The following CTNND2 variants were observed in gnomAD, a reference collection of about 807,000 sequenced individuals.
CTNND2 encodes the protein catenin delta-2.
A neutral mutation model predicts 144.4 loss-of-function variants in CTNND2; 22 were observed. The observed-to-expected ratio is 0.15, with a 90% CI of 0.11 to 0.22. CTNND2 has a LOEUF of 0.22. CTNND2 is among the 10% of genes least tolerant of loss of function. The pLI is 1.00. For missense variants in CTNND2, 1,353 were observed against 1,618.8 expected (o/e 0.84, Z 2.82); for synonymous variants, 751 against 695.6 (o/e 1.08, Z -1.25).
chr5:11,542,886 G>C (rs1158466913), intron 3 of CTNND2, among the ~76,000 whole-genome samples: 1 of 152,188 alleles, frequency 6.6e-6, no homozygotes, highest in South Asian at 2.1e-4. Flanking sequence ...GATGGGGAGT[G>C]CACAGGATGT....
At chr5:11,360,664 T>A (rs574968613) in intron 8 of CTNND2, among the ~76,000 whole-genome samples, 2 of 152,100 alleles carry the variant, frequency 1.3e-5, no homozygotes, top group East Asian at 3.9e-4. Context: ...AGCAGGAGAG[T>A]GAAGGGCAAC....
At chr5:11,835,057 A>G (rs375230625) in intron 1 of CTNND2, among the ~76,000 whole-genome samples, 57 of 152,172 alleles carry the variant, frequency 3.7e-4, no homozygotes, top group African/African-American at 1.3e-3. Context: ...AGGATCACCT[A>G]AGCCTGGGAG....
chr5:11,407,870 C>A (rs918030998), intron 5 of CTNND2, among the ~76,000 whole-genome samples: 1 of 151,894 alleles, frequency 6.6e-6, no homozygotes, highest in African/African-American at 2.4e-5. Context: ...ATATGGTATA[C>A]GGTTGTTCCA....
rs376650461 is a variant in CTNND2, at chr5:11,228,291, G to A, written c.1761+8400C>T. 1.1e-4 allele frequency among the ~76,000 whole-genome samples: 15 copies of A among 134,708 alleles called. No homozygotes were observed. The East Asian group carries it at 1.7e-3, about 15-fold the overall frequency. The allele number at this position is 134,708 out of a possible 152,430, so 88.4% of individuals were successfully genotyped here. ...ACCCAGGGGGCAGAGGTTGCAGTGA[G>A]CCAATATCGTGCCACTGCACTCCAG... is the stretch of plus-strand genomic sequence containing the variant. On this transcript the variant is annotated intron_variant, in intron 10 of 21. Coordinates refer to ENST00000304623, the MANE Select transcript of CTNND2 (RefSeq NM_001332.4).
chr5:11,232,675 T>G (rs1741166880), intron 10 of CTNND2, among the ~76,000 whole-genome samples: 2 of 152,312 alleles, frequency 1.3e-5, no homozygotes, highest in Non-Finnish European at 2.9e-5. Context: ...TTGTCTCAGA[T>G]GAGACTTTGG....
At chr5:11,499,353 C>A (rs1451018735) in intron 3 of CTNND2, among the ~76,000 whole-genome samples, 2 of 152,096 alleles carry the variant, frequency 1.3e-5, no homozygotes, top group Non-Finnish European at 2.9e-5. Flanking sequence ...TCTGCATTGC[C>A]CTACAGGCTT....
At chr5:11,597,920 T>C (rs1779597790) in intron 2 of CTNND2, among the ~76,000 whole-genome samples, 1 of 152,182 alleles carries the variant, frequency 6.6e-6, no homozygotes. Flanking sequence ...TGGTATTTTA[T>C]TGAGAAGTCA....
At chr5:11,163,883 C>G (rs1759035725) in intron 11 of CTNND2, among the ~76,000 whole-genome samples, 1 of 152,100 alleles carries the variant, frequency 6.6e-6, no homozygotes, top group South Asian at 2.1e-4. Context: ...TGGAATAATC[C>G]TGCTCTTATT....
intron 2 of CTNND2, among the ~76,000 whole-genome samples, chr5:11,674,716 TTTGGTTGG>T (rs56819149): frequency 2.7e-5 from 4 of 150,886 alleles, no homozygotes; most frequent in Admixed American, 6.6e-5. Context: ...TGTTTGTTTG[TTTGGTTGG>T]TTGGTTGGTT....
intron 1 of CTNND2, among the ~76,000 whole-genome samples, chr5:11,770,550 A>G (rs1472353895): frequency 2.6e-5 from 4 of 151,900 alleles, no homozygotes; most frequent in Non-Finnish European, 5.9e-5. Context: ...TCATTCAGGA[A>G]CCTACTCATG....
At chr5:11,564,025 T>C (rs1032969339) in intron 3 of CTNND2, among the ~76,000 whole-genome samples, 5 of 152,152 alleles carry the variant, frequency 3.3e-5, no homozygotes, top group Non-Finnish European at 5.9e-5. Context: ...AGTGATGCAA[T>C]TGATGATGCA....
intron 11 of CTNND2, among the ~76,000 whole-genome samples, chr5:11,166,613 G>A (rs1227114840): frequency 6.6e-6 from 1 of 151,928 alleles, no homozygotes; most frequent in Non-Finnish European, 1.5e-5. Context: ...GGAGGGGGAG[G>A]GGTATAAAGG....
chr5:11,219,061 G>A (rs1739513600), intron 10 of CTNND2, among the ~76,000 whole-genome samples: 1 of 152,174 alleles, frequency 6.6e-6, no homozygotes, highest in Non-Finnish European at 1.5e-5. Context: ...CAGTTCTTTA[G>A]TATGATGGCC....
chr5:11,867,180 C>T (rs149602373), intron 1 of CTNND2, among the ~76,000 whole-genome samples: 1 of 152,250 alleles, frequency 6.6e-6, no homozygotes, highest in African/African-American at 2.4e-5. Context: ...TTCAACAAGC[C>T]GAGTTATTCC....
intron 2 of CTNND2, among the ~76,000 whole-genome samples, chr5:11,695,560 A>G (rs1394458389): frequency 6.6e-6 from 1 of 152,226 alleles, no homozygotes; most frequent in African/African-American, 2.4e-5. Context: ...GTGTATTAAA[A>G]TAATGCTTTT....
intron 10 of CTNND2, among the ~76,000 whole-genome samples, chr5:11,212,376 G>C (rs1378965674): frequency 6.6e-6 from 1 of 152,188 alleles, no homozygotes; most frequent in African/African-American, 2.4e-5. Flanking sequence ...CTTCTTGGGA[G>C]TTGAAAAACT....
intron 3 of CTNND2, among the ~76,000 whole-genome samples, chr5:11,511,492 C>G (rs955859834): frequency 6.6e-6 from 1 of 152,154 alleles, no homozygotes; most frequent in African/African-American, 2.4e-5. Context: ...CAGGACCCCT[C>G]ACATCGACCA....
At chr5:10,975,925 C>T (rs547725468) in intron 21 of CTNND2, among the ~76,000 whole-genome samples, 15 of 152,192 alleles carry the variant, frequency 9.9e-5, no homozygotes, top group Non-Finnish European at 1.8e-4. Flanking sequence ...GGTTGGTGAA[C>T]ATTTGGGAGC....
chr5:11,664,511 T>G (rs1472926318), intron 2 of CTNND2, among the ~76,000 whole-genome samples: 1 of 152,162 alleles, frequency 6.6e-6, no homozygotes, highest in East Asian at 1.9e-4. Flanking sequence ...AACCAGGGAG[T>G]GGGAGGTTGC....
Sources: allele counts gnomAD v4.1 joint callset (sites outside exome capture counted in the v4.1 genomes callset), GRCh38; gene constraint gnomAD v4.1.1; transcripts MANE v1.5; gene names NCBI Gene and HGNC (gene_info 2026-07-23, HGNC 2026-07-21).